DSCAM: variants seen among roughly 807,000 people sequenced by gnomAD.
DSCAM encodes the protein DS cell adhesion molecule.
A neutral mutation model predicts 217.7 loss-of-function variants in DSCAM; 47 were observed. The ratio of observed to expected loss-of-function variants is 0.22; its 90% CI spans 0.17 to 0.28. DSCAM has a LOEUF of 0.28. Ranked by LOEUF, DSCAM falls within the 10% of genes least tolerant of loss-of-function variation. The pLI, the probability that DSCAM is intolerant of heterozygous loss-of-function variation, is 1.00. For missense variants in DSCAM, 2,080 were observed against 2,618.3 expected, an observed-to-expected ratio of 0.79 and a Z score of 4.49; for synonymous variants, 1,056 against 1,015.3, an observed-to-expected ratio of 1.04 and a Z score of -0.76.
intron 3 of DSCAM, among the ~76,000 whole-genome samples, chr21:40,457,402 C>T (rs570041328): frequency 5.9e-5 from 9 of 152,062 alleles, no homozygotes; most frequent in Non-Finnish European, 8.8e-5. Context: ...GTCCCAGCTA[C>T]TCAGGAGGCT....
At chr21:40,097,207 T>A (rs901444179) in intron 20 of DSCAM, among the ~76,000 whole-genome samples, 1 of 152,248 alleles carries the variant, frequency 6.6e-6, no homozygotes, top group East Asian at 1.9e-4. Flanking sequence ...AATGTGGGTA[T>A]ATAATATAAA....
chr21:40,547,148 G>A (rs1285095562), intron 3 of DSCAM, among the ~76,000 whole-genome samples: 1 of 152,142 alleles, frequency 6.6e-6, no homozygotes, highest in Non-Finnish European at 1.5e-5. Flanking sequence ...CAGCCCAGAG[G>A]CAGACATGAC....
intron 3 of DSCAM, among the ~76,000 whole-genome samples, chr21:40,597,941 A>T (rs1186380534): frequency 6.6e-6 from 1 of 152,170 alleles, no homozygotes; most frequent in East Asian, 1.9e-4. Flanking sequence ...CAGTGTGAGG[A>T]ATTTGCTGTT....
intron 11 of DSCAM, among the ~76,000 whole-genome samples, chr21:40,209,093 G>A (rs1450906336): frequency 1.3e-5 from 2 of 152,194 alleles, no homozygotes; most frequent in Non-Finnish European, 2.9e-5. Flanking sequence ...GAGGCTGCCT[G>A]TAGCCACGAG....
chr21:40,516,455 AG>A lies in DSCAM; in HGVS notation c.509-147211del, dbSNP rs35005440. Among the ~76,000 whole-genome samples, 927 of 152,274 alleles carry A rather than the reference AG, an allele frequency of 6.1e-3. 22 individuals are homozygous for A. The East Asian group carries it at 0.068, about 11-fold the overall frequency. ...GTTTCTTCCTCTTTAGCAGGAAGAC[AG>A]GAACAGAGTTGACAGTTGGCATCCA... On this transcript the variant is annotated intron_variant, in intron 3 of 32. Transcript: ENST00000400454.
At position 40,187,881 on chromosome 21, in the gene DSCAM, G is replaced by A. The variant is rs775771874; in HGVS notation, c.2650+10C>T. On this transcript the variant is annotated intron_variant, in intron 13 of 32. Coordinates refer to ENST00000400454, the MANE Select transcript of DSCAM (RefSeq NM_001389.5). ...ACTGTGTTTATTCTCTTACGCTATC[G>A]TCTTCCTACCTTGCACTGTGAGCTG... 3.8e-5 allele frequency: 61 copies of A among 1,605,198 alleles called. No individual in the cohort carries two copies. Among genetic ancestry groups the A allele is most frequent in the Admixed American group, 1.0e-4 (6 of 59,984 alleles).
chr21:40,127,562 A>G (rs1267403754), intron 19 of DSCAM, among the ~76,000 whole-genome samples: 1 of 152,196 alleles, frequency 6.6e-6, no homozygotes, highest in African/African-American at 2.4e-5. Flanking sequence ...CATTCCTCCA[A>G]TGCACCTGGA....
intron 3 of DSCAM, among the ~76,000 whole-genome samples, chr21:40,690,559 G>T (rs1217718553): frequency 6.6e-6 from 1 of 152,184 alleles, no homozygotes; most frequent in African/African-American, 2.4e-5. Flanking sequence ...AAAATTGTAT[G>T]AAAGGATGAA....
chr21:40,693,833 G>A (rs924210535), intron 2 of DSCAM, among the ~76,000 whole-genome samples: 11 of 152,230 alleles, frequency 7.2e-5, no homozygotes, highest in South Asian at 2.1e-4. Context: ...GGACTTCCAC[G>A]TCCTTGATGT....
intron 3 of DSCAM, among the ~76,000 whole-genome samples, chr21:40,520,975 G>A (rs1474789945): frequency 1.3e-5 from 2 of 152,134 alleles, no homozygotes; most frequent in African/African-American, 4.8e-5. Flanking sequence ...CAAATATTAT[G>A]TATTGCTAAA....
intron 24 of DSCAM, among the ~76,000 whole-genome samples, chr21:40,081,361 AAATGG>A (rs1340675300): frequency 3.3e-5 from 5 of 152,088 alleles, no homozygotes; most frequent in African/African-American, 4.8e-5. Flanking sequence ...TCCTAAACCC[AAATGG>A]GCAGGTTTGC....
At chr21:40,784,850 G>T (rs2091579409) in intron 1 of DSCAM, among the ~76,000 whole-genome samples, 1 of 152,214 alleles carries the variant, frequency 6.6e-6, no homozygotes, top group Non-Finnish European at 1.5e-5. Flanking sequence ...AGTACTGTGG[G>T]GGGAGAATGT....
intron 3 of DSCAM, among the ~76,000 whole-genome samples, chr21:40,492,380 A>T (rs1184502332): frequency 1.3e-5 from 2 of 152,188 alleles, no homozygotes. Context: ...GACCAAAGAA[A>T]TAAAATAAAA....
chr21:40,226,022 C>T (rs1038329768), intron 11 of DSCAM, among the ~76,000 whole-genome samples: 5 of 152,324 alleles, frequency 3.3e-5, no homozygotes, highest in Admixed American at 2.0e-4. Context: ...CACTTATTTA[C>T]GAACTGCTTT....
chr21:40,182,645 G>A (rs1272066334), intron 14 of DSCAM, among the ~76,000 whole-genome samples: 1 of 126,946 alleles, frequency 7.9e-6, no homozygotes, highest in Non-Finnish European at 1.6e-5. Context: ...GTGGACAGGA[G>A]GGGGTTACCA....
At chr21:40,346,266 T>C (rs952930532) in intron 6 of DSCAM, among the ~76,000 whole-genome samples, 2 of 152,260 alleles carry the variant, frequency 1.3e-5, no homozygotes, top group African/African-American at 4.8e-5. Context: ...ATGAATACCA[T>C]GCCTTCAGCT....
At chr21:40,783,705 T>C (rs1174918116) in intron 1 of DSCAM, among the ~76,000 whole-genome samples, 1 of 152,230 alleles carries the variant, frequency 6.6e-6, no homozygotes, top group South Asian at 2.1e-4. Context: ...GTGGAACTCT[T>C]GGAAGACGCT....
chr21:40,335,265 TC>T (rs1292076039), intron 8 of DSCAM, among the ~76,000 whole-genome samples: 2 of 152,212 alleles, frequency 1.3e-5, no homozygotes, highest in African/African-American at 2.4e-5. Flanking sequence ...ATATTTTCCT[TC>T]TTTTGTTTGC....
chr21:40,113,420 A>G (rs2089926084), intron 20 of DSCAM, among the ~76,000 whole-genome samples: 2 of 152,316 alleles, frequency 1.3e-5, no homozygotes, highest in Admixed American at 1.3e-4. Flanking sequence ...TCTCAAAATA[A>G]TAAGAACTAT....
Sources: gnomAD v4.1 joint callset for allele counts (sites outside exome capture counted in the v4.1 genomes callset) on GRCh38, gnomAD v4.1.1 for gene constraint, MANE v1.5 for transcripts, NCBI Gene and HGNC (gene_info 2026-07-23, HGNC 2026-07-21) for gene names.